The following ZP1 variants were observed in gnomAD, a reference collection of about 807,000 sequenced individuals.
ZP1 encodes zona pellucida glycoprotein 1, also known as zona pellucida sperm-binding protein 1.
ZP1 carries 58 observed loss-of-function variants against 67.4 expected under a neutral mutation model. That is an observed-to-expected ratio of 0.86 (90% CI 0.70 to 1.07). The LOEUF is 1.07. Among genes scored for constraint, ZP1 ranks in the 50% least tolerant of loss-of-function variants. ZP1 has a pLI of 0.00. For missense variants in ZP1, 759 were observed against 807.3 expected (o/e 0.94, Z 0.72); for synonymous variants, 333 against 332.7 (o/e 1.00, Z -0.01).
chr11:60,873,497 C>CA lies in ZP1; in HGVS notation c.1364dup (p.His455GlnfsTer93), dbSNP rs761353487. ...AGACCCCAACCTGGTCCTGCTGCTG[C>CA]ACCAGTGCTGGGGCGCTCCCAGTGC... On this transcript the variant is annotated frameshift_variant, in exon 8 of 12. Transcript: ENST00000278853. LOFTEE classifies it high-confidence loss of function. 125 of 1,613,468 alleles carry CA rather than the reference C, an allele frequency of 7.7e-5. No homozygotes were observed. Among genetic ancestry groups the CA allele is most frequent in the Non-Finnish European group, 1.0e-4 (119 of 1,179,766 alleles).
intron 6 of ZP1, among the ~76,000 whole-genome samples, chr11:60,871,704 A>G (rs1401261298): frequency 2.6e-5 from 4 of 152,176 alleles, no homozygotes; most frequent in Non-Finnish European, 5.9e-5. Flanking sequence ...TGCCCCTCCT[A>G]ATGTCAGGTT....
chr11:60,872,695 G>A (rs896558288), intron 6 of ZP1, among the ~76,000 whole-genome samples: 6 of 152,210 alleles, frequency 3.9e-5, no homozygotes, highest in Non-Finnish European at 7.3e-5. Flanking sequence ...GGACACTGAG[G>A]CTTAGGTTAG....
In ZP1 at chr11:60,869,727, A is replaced by G. The variant is rs781704281; in HGVS notation, c.509A>G (p.His170Arg). Residue 170 changes from histidine to arginine, a missense_variant, in exon 3 of 12, where the codon CAT (histidine) becomes CGT (arginine). Coordinates refer to ENST00000278853, the MANE Select transcript of ZP1 (RefSeq NM_207341.4). Reference protein sequence around the residue: ...QTLSFLPTSGHTSQGSGHAFP... With the variant: ...QTLSFLPTSGRTSQGSGHAFP... ...CTTTCCTTCCTCCCCACCTCTGGCC[A>G]TACCTCCCAAGGCTCTGGCCATGCC... The G allele has an allele frequency of 1.2e-6, 2 of 1,613,460 alleles. No individual in the cohort carries two copies. Among genetic ancestry groups the G allele is most frequent in the Non-Finnish European group, 1.7e-6 (2 of 1,179,756 alleles).
rs150382765 is a variant in ZP1, at chr11:60,873,386, A to T, written c.1252A>T (p.Ser418Cys). 2.2e-5 allele frequency: 36 copies of T among 1,605,268 alleles called. No homozygotes were observed. The African/African-American group carries it at 4.4e-4, about 20-fold the overall frequency. Reference protein sequence around the residue: ...ELRIAKDETFSSYYGEDDYPI... With the variant: ...ELRIAKDETFCSYYGEDDYPI... The stretch of plus-strand genomic sequence containing the variant: ...CACTCTCCCTGCAGACGAGACCTTC[A>T]GCTCGTACTATGGGGAGGATGACTA... The change falls in exon 8 of 12, where the codon AGC (serine) becomes TGC (cysteine). Residue 418 changes from serine to cysteine, a missense_variant. Ser to Cys is a moderately radical substitution (Grantham distance 112). Transcript: ENST00000278853.
intron 6 of ZP1, among the ~76,000 whole-genome samples, chr11:60,872,740 TAAG>T (rs762048435): frequency 1.2e-4 from 19 of 152,180 alleles, no homozygotes; most frequent in Non-Finnish European, 1.6e-4. Flanking sequence ...CTGTAAATGC[TAAG>T]AAGACTCAAA....
chr11:60,872,584 C>T (rs1243154482), intron 6 of ZP1, among the ~76,000 whole-genome samples: 1 of 152,318 alleles, frequency 6.6e-6, no homozygotes, highest in Admixed American at 6.5e-5. Flanking sequence ...GGCAAACCAG[C>T]TGCAACTACA....
chr11:60,875,122 T>G lies in ZP1; in HGVS notation c.1655-7T>G. On this transcript the variant is annotated splice_polypyrimidine_tract_variant and splice_region_variant and intron_variant, in intron 10 of 11. Coordinates refer to ENST00000278853, the MANE Select transcript of ZP1 (RefSeq NM_207341.4). ...CCAGCCCAAGATTTCATTCTTCCCC[T>G]GGGCAGGACAGCGACGATCCTCAGG... The G allele has an allele frequency of 6.2e-7, 1 of 1,613,796 alleles. No individual in the cohort carries two copies. The highest frequency in any genetic ancestry group is 8.5e-7 in the Non-Finnish European group (1 of 1,179,914).
At position 60,870,969 on chromosome 11, in the gene ZP1, G is replaced by A. The variant is rs560330326; in HGVS notation, c.839G>A (p.Cys280Tyr). Reference protein sequence around the residue: ...CYYGNTATVQCFRDGYFVLVV... With the variant: ...CYYGNTATVQYFRDGYFVLVV... ...GCCTTTGTCCCAGCTACTGTCCAGT[G>A]CTTCAGAGATGGCTACTTCGTCCTC... The change falls in exon 5 of 12, where the codon TGC (cysteine) becomes TAC (tyrosine). Residue 280 changes from cysteine to tyrosine, a missense_variant. Coordinates refer to ENST00000278853, the MANE Select transcript of ZP1 (RefSeq NM_207341.4). The A allele has an allele frequency of 6.2e-7, 1 of 1,613,840 alleles. No homozygotes were observed. The highest frequency in any genetic ancestry group is 1.3e-5 in the African/African-American group (1 of 75,056).
chr11:60,873,412 TC>T lies in ZP1; in HGVS notation c.1281del (p.Ile428SerfsTer2). 1 of 1,612,082 alleles carries T rather than the reference TC, an allele frequency of 6.2e-7. No individual in the cohort carries two copies. The highest frequency in any genetic ancestry group is 8.5e-7 in the Non-Finnish European group (1 of 1,178,346). ...GCTCGTACTATGGGGAGGATGACTA[TC>T]CCATCGTGAGGCTGCTCCGAGAACC... ...FSSYYGEDDYPIVRLLREPVH... is the reference protein window; with the variant it reads ...FSSYYGEDDYXIVRLLREPVH... On this transcript the variant is annotated frameshift_variant, in exon 8 of 12. Coordinates refer to ENST00000278853, the MANE Select transcript of ZP1 (RefSeq NM_207341.4). LOFTEE classifies it high-confidence loss of function.
intron 6 of ZP1, among the ~76,000 whole-genome samples, chr11:60,871,955 A>G (rs1016068342): frequency 1.3e-5 from 2 of 152,180 alleles, no homozygotes; most frequent in African/African-American, 2.4e-5. Flanking sequence ...GACGGAGCCA[A>G]TGGGTTGTAG....
At chr11:60,869,998 T>C (rs1855536148) in intron 3 of ZP1, 98 bp downstream of exon 3, 2 of 1,395,158 alleles carry the variant, frequency 1.4e-6, no homozygotes, top group Non-Finnish European at 1.9e-6. Flanking sequence ...CCATTTCTTT[T>C]TTTGTTTTTT....
chr11:60,869,053 C>A (rs760624489), intron 1 of ZP1, 92 bp from the exon 2 acceptor site: 1 of 1,518,188 alleles, frequency 6.6e-7, no homozygotes, highest in Non-Finnish European at 9.0e-7. Context: ...ACCCAGGTCT[C>A]CTGGCTGCTG....
Position 60,869,719 on chromosome 11 carries a change from C to G in ZP1, c.501C>G (p.Thr167=). The change falls in exon 3 of 12, where the codon ACC becomes ACG. Residue 167 remains threonine, a synonymous_variant. Transcript: ENST00000278853. The stretch of plus-strand genomic sequence containing the variant: ...CACAAACCCTTTCCTTCCTCCCCAC[C>G]TCTGGCCATACCTCCCAAGGCTCTG... ...STPQTLSFLP[T]SGHTSQGSGH... 6.2e-7 allele frequency: 1 copy of G among 1,613,790 alleles called. No homozygotes were observed. The highest frequency in any genetic ancestry group is 8.5e-7 in the Non-Finnish European group (1 of 1,179,752).
chr11:60,871,851 G>A (rs1018975189), intron 6 of ZP1, among the ~76,000 whole-genome samples: 1 of 152,220 alleles, frequency 6.6e-6, no homozygotes, highest in African/African-American at 2.4e-5. Flanking sequence ...AGGTGCCCAG[G>A]ATGCCAGTGG....
chr11:60,875,290 C>CT (rs1326478901), intron 11 of ZP1, 42 bp downstream of exon 11: 1 of 1,583,858 alleles, frequency 6.3e-7, no homozygotes. Context: ...CTTACCCACT[C>CT]TCAGCCCCCA....
In ZP1 at chr11:60,870,440, A is replaced by C. The variant is rs1855545638; in HGVS notation, c.791A>C (p.Asn264Thr). The change falls in exon 4 of 12, where the codon AAC (asparagine) becomes ACC (threonine). Residue 264 changes from asparagine (N) to threonine (T), a missense_variant. Transcript: ENST00000278853. ...CAGCAGGCTGGCTGCTGCTATGACA[A>C]CACCAGAGAGGTTCCCTGTTACTAT... Reference protein sequence around the residue: ...ACQQAGCCYDNTREVPCYYGN... With the variant: ...ACQQAGCCYDTTREVPCYYGN... 25 of 1,612,918 alleles carry C rather than the reference A, an allele frequency of 1.5e-5. No individual in the cohort carries two copies. The highest frequency in any genetic ancestry group is 2.7e-5 in the African/African-American group (2 of 74,878).
At chr11:60,868,326 C>T (rs754157683) in intron 1 of ZP1, among the ~76,000 whole-genome samples, 7 of 152,194 alleles carry the variant, frequency 4.6e-5, no homozygotes, top group East Asian at 1.9e-4. Flanking sequence ...GGGTTATAGG[C>T]GTGAGCCACT....
chr11:60,869,538 A>G lies in ZP1; in HGVS notation c.320A>G (p.Asp107Gly), dbSNP rs754728603. 1.2e-6 allele frequency: 2 copies of G among 1,600,828 alleles called. No individual in the cohort carries two copies. Among genetic ancestry groups the G allele is most frequent in the African/African-American group, 2.7e-5 (2 of 74,702 alleles). The change falls in exon 3 of 12, where the codon GAT becomes GGT. Residue 107 changes from aspartate (D) to glycine (G), a missense_variant and splice_region_variant. Coordinates refer to ENST00000278853, the MANE Select transcript of ZP1 (RefSeq NM_207341.4). ...DYRGCHVLEK[D>G]GRFHLRVFME... ...TCTATGATGGCCTCTCACCTGCAGG[A>G]TGGGCGTTTCCACCTGAGGGTGTTC...
chr11:60,873,581 T>TC lies in ZP1; in HGVS notation c.1430+23dup. The TC allele has an allele frequency of 1.2e-6, 2 of 1,612,064 alleles. No individual in the cohort carries two copies. Among genetic ancestry groups the TC allele is most frequent in the Non-Finnish European group, 1.7e-6 (2 of 1,178,726 alleles). On this transcript the variant is annotated intron_variant, in intron 8 of 11. Transcript: ENST00000278853. ...GTCAGACGGGTGAGTGCCCCCACACTCCCCCCACCTGCTCTGCCTCCTGTA... is the reference window on the plus strand; with the variant it reads ...GTCAGACGGGTGAGTGCCCCCACACTCCCCCCCACCTGCTCTGCCTCCTGTA...
Sources: allele counts gnomAD v4.1 joint callset (sites outside exome capture counted in the v4.1 genomes callset), GRCh38; gene constraint gnomAD v4.1.1; transcripts MANE v1.5; gene names NCBI Gene and HGNC (gene_info 2026-07-23, HGNC 2026-07-21).